Variants in FOXN3 observed in about 807,000 individuals in gnomAD.
FOXN3 encodes the protein forkhead box N3, also known as forkhead box protein N3.
In FOXN3, 7 loss-of-function variants were observed where a neutral mutation model predicts 38.4. The ratio of observed to expected loss-of-function variants is 0.18; its 90% CI spans 0.10 to 0.34. The LOEUF is 0.34. FOXN3 is among the 10% of genes least tolerant of loss of function. FOXN3 has a pLI of 1.00. For synonymous variants in FOXN3, 230 were observed against 242.2 expected (o/e 0.95, Z 0.47); for missense variants, 456 against 613.4 (o/e 0.74, Z 2.71).
intron 1 of FOXN3, among the ~76,000 whole-genome samples, chr14:89,609,917 C>A (rs1264566299): frequency 6.6e-6 from 1 of 151,894 alleles, no homozygotes; most frequent in Non-Finnish European, 1.5e-5. Context: ...GGCTGGCGGT[C>A]CAAGTTTTCT....
chr14:89,598,160 C>T (rs1453422280), intron 1 of FOXN3, among the ~76,000 whole-genome samples: 1 of 152,270 alleles, frequency 6.6e-6, no homozygotes, highest in South Asian at 2.1e-4. Context: ...CTGTACACTA[C>T]AAGGAACTTA....
At chr14:89,446,346 G>A (rs906739722) in intron 1 of FOXN3, among the ~76,000 whole-genome samples, 5 of 151,388 alleles carry the variant, frequency 3.3e-5, no homozygotes, top group Admixed American at 2.6e-4. Context: ...GCGCCACCAC[G>A]CTCGGCTAAT....
At chr14:89,303,447 C>G (rs772840775) in intron 3 of FOXN3, among the ~76,000 whole-genome samples, 1 of 150,724 alleles carries the variant, frequency 6.6e-6, no homozygotes, top group Non-Finnish European at 1.5e-5. Flanking sequence ...TCTGATTCAG[C>G]TCATGTCCCC....
At chr14:89,521,796 G>T (rs1894324292) in intron 1 of FOXN3, among the ~76,000 whole-genome samples, 1 of 152,024 alleles carries the variant, frequency 6.6e-6, no homozygotes, top group Non-Finnish European at 1.5e-5. Context: ...AACACATTAT[G>T]TACGGATCAC....
intron 2 of FOXN3, among the ~76,000 whole-genome samples, chr14:89,401,299 GGGCATGGT>G (rs1891237797): frequency 6.6e-6 from 1 of 152,056 alleles, no homozygotes; most frequent in South Asian, 2.1e-4. Flanking sequence ...AAAATTAGCT[GGGCATGGT>G]GGCATGAGCC....
At chr14:89,295,716 T>C (rs1456307193) in intron 3 of FOXN3, among the ~76,000 whole-genome samples, 1 of 151,234 alleles carries the variant, frequency 6.6e-6, no homozygotes, top group East Asian at 1.9e-4. Flanking sequence ...GCCTCCTGAG[T>C]AGCTGGGACT....
chr14:89,330,431 G>A (rs567179935), intron 3 of FOXN3, among the ~76,000 whole-genome samples: 11 of 152,332 alleles, frequency 7.2e-5, no homozygotes, highest in African/African-American at 2.4e-4. Flanking sequence ...CGAGTCTTCT[G>A]ACTCTCATAT....
At chr14:89,391,556 A>C (rs1890947118) in intron 2 of FOXN3, among the ~76,000 whole-genome samples, 1 of 152,232 alleles carries the variant, frequency 6.6e-6, no homozygotes, top group South Asian at 2.1e-4. Context: ...AGGTTTAACT[A>C]GGCCCTGAAT....
rs1016945106 is a variant in FOXN3 at position 89,461,040 on chromosome 14, G to T, written c.-14-48550C>A. Among the ~76,000 whole-genome samples the T allele has an allele frequency of 8.8e-4, 113 of 128,696 alleles. 1 individual carries two copies. The highest frequency in any genetic ancestry group is 3.1e-4 in the Non-Finnish European group (19 of 60,848). 84.4% of individuals were successfully genotyped at this position (128,696 alleles called of 152,430 possible). ...CGAAACTCCATCTTAAAAAAAAAAG[G>T]GGGGGGGAGGGGGCTGGGCGCAGTG... On this transcript the variant is annotated intron_variant, in intron 1 of 6. Transcript: ENST00000345097.
chr14:89,405,831 T>A (rs1361234997), intron 2 of FOXN3, among the ~76,000 whole-genome samples: 1 of 152,114 alleles, frequency 6.6e-6, no homozygotes, highest in African/African-American at 2.4e-5. Context: ...CACAGAGAGA[T>A]CATCTACAAT....
intron 1 of FOXN3, among the ~76,000 whole-genome samples, chr14:89,485,233 G>T (rs1893423596): frequency 6.6e-6 from 1 of 151,584 alleles, no homozygotes; most frequent in African/African-American, 2.4e-5. Flanking sequence ...GGGAGAGTGA[G>T]GGGTGGACAG....
At chr14:89,313,621 T>A (rs1012273610) in intron 3 of FOXN3, among the ~76,000 whole-genome samples, 1 of 150,912 alleles carries the variant, frequency 6.6e-6, no homozygotes, top group Non-Finnish European at 1.5e-5. Flanking sequence ...ACGCAGCACA[T>A]GCAGTATGAG....
intron 1 of FOXN3, among the ~76,000 whole-genome samples, chr14:89,528,297 T>C (rs1442337315): frequency 6.8e-6 from 1 of 146,642 alleles, no homozygotes; most frequent in East Asian, 2.1e-4. Context: ...AAAAACAAAC[T>C]GTGATATATC....
chr14:89,595,334 AAAG>A (rs1324865316), intron 1 of FOXN3, among the ~76,000 whole-genome samples: 1 of 152,052 alleles, frequency 6.6e-6, no homozygotes. Flanking sequence ...CAAAAAAAAA[AAAG>A]AAGTAAGTCT....
intron 1 of FOXN3, among the ~76,000 whole-genome samples, chr14:89,530,760 C>G (rs1894542938): frequency 6.6e-6 from 1 of 151,172 alleles, no homozygotes; most frequent in East Asian, 1.9e-4. Flanking sequence ...CAGGCGCCTA[C>G]CACCACGCCC....
At chr14:89,596,144 G>A (rs1264627277) in intron 1 of FOXN3, among the ~76,000 whole-genome samples, 1 of 151,890 alleles carries the variant, frequency 6.6e-6, no homozygotes, top group Non-Finnish European at 1.5e-5. Context: ...ATATTTTATT[G>A]ATTGATTGAT....
intron 1 of FOXN3, among the ~76,000 whole-genome samples, chr14:89,423,091 C>A (rs1411714508): frequency 2.0e-5 from 3 of 152,134 alleles, no homozygotes; most frequent in Non-Finnish European, 4.4e-5. Flanking sequence ...TGGGAAGAGG[C>A]CAGGAGAAAC....
chr14:89,276,015 G>T (rs942787927), intron 4 of FOXN3, among the ~76,000 whole-genome samples: 1 of 152,212 alleles, frequency 6.6e-6, no homozygotes, highest in African/African-American at 2.4e-5. Context: ...AGTGGCTTAA[G>T]CATGTAATCC....
rs1892271919 is a variant in FOXN3, at chr14:89,436,147, T to C, written c.-14-23657A>G. On this transcript the variant is annotated intron_variant, in intron 1 of 6. Coordinates refer to the FOXN3 transcript ENST00000345097. ...TGTGCCACCGCGCCCGGCCTGTAGA[T>C]CAAAATCTACAACTCATGGGTAGGA... 2.6e-5 allele frequency among the ~76,000 whole-genome samples: 4 copies of C among 151,814 alleles called. No individual in the cohort carries two copies. The South Asian group carries it at 8.3e-4, about 32-fold the overall frequency.
Sources: allele counts gnomAD v4.1 joint callset (sites outside exome capture counted in the v4.1 genomes callset), GRCh38; gene constraint gnomAD v4.1.1; transcripts MANE v1.5; gene names NCBI Gene and HGNC (gene_info 2026-07-23, HGNC 2026-07-21).